SYCP1: variants seen among roughly 807,000 people sequenced by gnomAD.
The protein encoded by SYCP1 is cancer/testis antigen 8.
SYCP1 carries 64 observed loss-of-function variants against 153.1 expected under a neutral mutation model. That is an observed-to-expected ratio of 0.42 (90% confidence interval 0.34 to 0.51). The LOEUF is 0.51. SYCP1 is among the 20% of genes least tolerant of loss of function. The pLI is 0.06. For missense variants in SYCP1, 997 were observed against 1,049.0 expected (o/e 0.95, Z 0.68); for synonymous variants, 384 against 341.8 (o/e 1.12, Z -1.36).
intron 28 of SYCP1, 148 bp from the exon 29 acceptor site, chr1:114,981,188 A>C: frequency 1.7e-6 from 1 of 582,430 alleles, no homozygotes; most frequent in Non-Finnish European, 2.9e-6. Flanking sequence ...ACTGTAACTT[A>C]TTCAAACTTA....
chr1:114,872,357 A>C (rs1284241770), intron 8 of SYCP1, among the ~76,000 whole-genome samples: 2 of 152,098 alleles, frequency 1.3e-5, no homozygotes, highest in African/African-American at 2.4e-5. Flanking sequence ...CAGCATTTTA[A>C]ATATTTTACT....
intron 23 of SYCP1, 106 bp downstream of exon 23, chr1:114,926,669 C>A: frequency 2.1e-6 from 2 of 942,872 alleles, no homozygotes; most frequent in Non-Finnish European, 3.0e-6. Context: ...TATACCATAA[C>A]AGTATCAATT....
intron 27 of SYCP1, among the ~76,000 whole-genome samples, chr1:114,961,502 T>C (rs1401498121): frequency 6.6e-6 from 1 of 152,232 alleles, no homozygotes; most frequent in African/African-American, 2.4e-5. Flanking sequence ...CTCTTAGCAC[T>C]GCTTTTGCTG....
chr1:114,952,580 A>AT (rs892297282), intron 27 of SYCP1, among the ~76,000 whole-genome samples: 18 of 152,146 alleles, frequency 1.2e-4, no homozygotes, highest in African/African-American at 4.3e-4. Flanking sequence ...AGCAGGAAGG[A>AT]TAATGAATGC....
At chr1:114,859,712 A>G in intron 6 of SYCP1, 31 bp from the exon 7 acceptor site, 1 of 1,005,490 alleles carries the variant, frequency 9.9e-7, no homozygotes, top group Non-Finnish European at 1.3e-6. Context: ...AATAAGCAAA[A>G]TGGGATGAAC....
intron 23 of SYCP1, among the ~76,000 whole-genome samples, chr1:114,938,298 C>T (rs1670159204): frequency 6.7e-6 from 1 of 150,090 alleles, no homozygotes; most frequent in Admixed American, 6.7e-5. Flanking sequence ...ATTGCCAGGA[C>T]AGAAAAACCA....
intron 20 of SYCP1, among the ~76,000 whole-genome samples, chr1:114,918,419 A>C (rs1172661726): frequency 6.6e-6 from 1 of 152,046 alleles, no homozygotes; most frequent in Non-Finnish European, 1.5e-5. Context: ...GAAATCAGGT[A>C]ATGTAATTCC....
intron 15 of SYCP1, among the ~76,000 whole-genome samples, chr1:114,893,349 C>T (rs1666854337): frequency 6.6e-6 from 1 of 151,670 alleles, no homozygotes; most frequent in African/African-American, 2.4e-5. Context: ...TCTGTATCTC[C>T]ATCTGTATCT....
At position 114,981,448 on chromosome 1, in the gene SYCP1, C is replaced by A. The variant is rs751599525; in HGVS notation, c.2495C>A (p.Ser832Tyr). 2 of 1,609,912 alleles carry A rather than the reference C, an allele frequency of 1.2e-6. No homozygotes were observed. The highest frequency in any genetic ancestry group is 2.2e-5 in the South Asian group (2 of 90,120). ...TTCACATCAGTTGATCATGGCATATCCAAAGATAAAAGAGACTATCTGTGG... is the reference window on the plus strand; with the variant it reads ...TTCACATCAGTTGATCATGGCATATACAAAGATAAAAGAGACTATCTGTGG... Reference protein sequence around the residue: ...RNFTSVDHGISKDKRDYLWTS... With the variant: ...RNFTSVDHGIYKDKRDYLWTS... The change falls in exon 29 of 32, where the codon TCC becomes TAC. Residue 832 changes from serine to tyrosine, a missense_variant. Around this residue, in one of 2 missense-constraint regions of SYCP1, gnomAD observed 712 missense variants for 682.9 expected, o/e 1.04. Coordinates refer to ENST00000369522, the MANE Select transcript of SYCP1 (RefSeq NM_003176.4).
At chr1:114,947,920 T>A (rs571956372) in intron 27 of SYCP1, among the ~76,000 whole-genome samples, 53 of 151,882 alleles carry the variant, frequency 3.5e-4, no homozygotes, top group Admixed American at 7.2e-4. Context: ...CCTTTTTTTT[T>A]ATTATACTTT....
chr1:114,926,302 G>A lies in SYCP1; in HGVS notation c.1825G>A (p.Glu609Lys). The A allele has an allele frequency of 6.5e-7, 1 of 1,527,202 alleles. No individual in the cohort carries two copies. The highest frequency in any genetic ancestry group is 1.4e-5 in the African/African-American group (1 of 71,784). 94.6% of individuals were successfully genotyped at this position (1,527,202 alleles called of 1,614,324 possible). ...GTGTAACAATTTAAGGAAACAAGTT[G>A]AAAATAAAAACAAGTATATTGAAGA... Reference protein sequence around the residue: ...ENCNNLRKQVENKNKYIEELQ... With the variant: ...ENCNNLRKQVKNKNKYIEELQ... Residue 609 changes from glutamate to lysine, a missense_variant, in exon 22 of 32, where the codon GAA becomes AAA. Physicochemically the swap from Glu to Lys is moderately conservative, Grantham distance 56. Coordinates refer to ENST00000369522, the MANE Select transcript of SYCP1 (RefSeq NM_003176.4).
intron 27 of SYCP1, among the ~76,000 whole-genome samples, chr1:114,963,330 A>G (rs554019530): frequency 6.6e-6 from 1 of 152,174 alleles, no homozygotes; most frequent in Non-Finnish European, 1.5e-5. Flanking sequence ...TTTGTTTAAC[A>G]TAATCCCAAG....
chr1:114,960,977 G>T (rs1413680958), intron 27 of SYCP1, among the ~76,000 whole-genome samples: 4 of 152,082 alleles, frequency 2.6e-5, no homozygotes, highest in African/African-American at 9.7e-5. Context: ...AATCCATCTG[G>T]TCCTGAACTT....
At chr1:114,941,379 T>TA (rs941142350) in intron 23 of SYCP1, among the ~76,000 whole-genome samples, 16 of 152,188 alleles carry the variant, frequency 1.1e-4, no homozygotes, top group South Asian at 2.1e-4. Context: ...ATGTTATTAT[T>TA]ATAACTATAC....
At chr1:114,854,316 G>T (rs941561363), upstream of SYCP1, among the ~76,000 whole-genome samples, 2 of 152,036 alleles carry the variant, frequency 1.3e-5, no homozygotes, top group African/African-American at 4.8e-5. Context: ...GCTATTTTAG[G>T]AGAGGCAGGG....
At chr1:114,958,235 A>AAAT in intron 27 of SYCP1, among the ~76,000 whole-genome samples, 1 of 152,272 alleles carries the variant, frequency 6.6e-6, no homozygotes, top group South Asian at 2.1e-4. Flanking sequence ...GGAGCTTAAA[A>AAAT]AATTATCTCA....
chr1:114,854,221 G>A (rs1380333906), upstream of SYCP1, among the ~76,000 whole-genome samples: 8 of 151,988 alleles, frequency 5.3e-5, no homozygotes, highest in Non-Finnish European at 5.9e-5. Context: ...TTAGCTCACT[G>A]CAGCCTCTGT....
chr1:114,909,037 G>T (rs1366681097), intron 16 of SYCP1, among the ~76,000 whole-genome samples: 1 of 152,030 alleles, frequency 6.6e-6, no homozygotes, highest in African/African-American at 2.4e-5. Flanking sequence ...TCTATAAATG[G>T]TGCTTCAAAT....
chr1:114,977,557 GA>G lies in SYCP1; in HGVS notation c.2328del (p.Lys776AsnfsTer82). The G allele has an allele frequency of 6.9e-7, 1 of 1,453,898 alleles. No individual in the cohort carries two copies. 90.1% of individuals were successfully genotyped at this position (1,453,898 alleles called of 1,614,324 possible). Reference sequence around the variant, plus strand: ...TGTACTTGATATTTATTTTTAATAGGAAAAACTCAAAAGAGAGGCAAAAGAA... The same window carrying G: ...TGTACTTGATATTTATTTTTAATAGGAAAACTCAAAAGAGAGGCAAAAGAA... ...KQLEIEREEKEKLKREAKENT... is the reference protein window; with the variant it reads ...KQLEIEREEKXKLKREAKENT... On this transcript the variant is annotated frameshift_variant and splice_region_variant, in exon 28 of 32. Coordinates refer to ENST00000369522, the MANE Select transcript of SYCP1 (RefSeq NM_003176.4). LOFTEE classifies it high-confidence loss of function.
Sources: allele counts gnomAD v4.1 joint callset (sites outside exome capture counted in the v4.1 genomes callset), GRCh38; gene constraint gnomAD v4.1.1; regional missense constraint gnomAD v4.1.1; transcripts MANE v1.5; gene names NCBI Gene and HGNC (gene_info 2026-07-23, HGNC 2026-07-21).